Variants in RAB38 observed in about 807,000 individuals in gnomAD.
RAB38 encodes the protein RAB38, member RAS oncogene family, also known as ras-related protein Rab-38.
In RAB38, 15 loss-of-function variants were observed where a neutral mutation model predicts 18.4. The ratio of observed to expected loss-of-function variants is 0.82; its 90% CI spans 0.55 to 1.26. The LOEUF is 1.26. Ranked by LOEUF, RAB38 falls within the 50% of genes most tolerant of loss-of-function variation. RAB38 has a pLI of 0.00. For synonymous variants in RAB38, 101 were observed against 104.4 expected, an observed-to-expected ratio of 0.97 and a Z score of 0.20; for missense variants, 294 against 267.4, an observed-to-expected ratio of 1.10 and a Z score of -0.69.
chr11:88,118,871 T>C (rs948790004), intron 2 of RAB38, among the ~76,000 whole-genome samples: 1 of 152,200 alleles, frequency 6.6e-6, no homozygotes, highest in African/African-American at 2.4e-5. Flanking sequence ...GTTTATTAAA[T>C]AATACTCACA....
intron 2 of RAB38, among the ~76,000 whole-genome samples, chr11:88,136,166 C>A (rs16913143): frequency 0.14 from 20,726 of 152,162 alleles, 1,519 homozygotes; most frequent in Middle Eastern, 0.22. Flanking sequence ...TGAGCACTCC[C>A]GTAGCATGTT....
At chr11:87,841,111 A>C in the RAB38 span, among the ~76,000 whole-genome samples, 1 of 152,190 alleles carries the variant, frequency 6.6e-6, no homozygotes, top group East Asian at 1.9e-4. Context: ...GTTAATATTA[A>C]GTATTTAGAA....
chr11:88,077,004 A>AAAAGG, the RAB38 span, among the ~76,000 whole-genome samples: 1,234 of 115,338 alleles, frequency 0.011, 25 homozygotes, highest in Non-Finnish European at 0.018. Context: ...AAAAGAAAAG[A>AAAAGG]AAAGAAAAGA....
At chr11:87,899,964 T>A in the RAB38 span, among the ~76,000 whole-genome samples, 1 of 151,562 alleles carries the variant, frequency 6.6e-6, no homozygotes, top group Non-Finnish European at 1.5e-5. Context: ...CTTCCGTTTT[T>A]TTTTTCCCCA....
the RAB38 span, among the ~76,000 whole-genome samples, chr11:88,009,216 G>T: frequency 9.9e-5 from 15 of 151,994 alleles, no homozygotes; most frequent in African/African-American, 3.4e-4. Context: ...GATTCTAAGG[G>T]AAAATAATTT....
At chr11:87,854,911 C>T in the RAB38 span, among the ~76,000 whole-genome samples, 1 of 152,130 alleles carries the variant, frequency 6.6e-6, no homozygotes, top group East Asian at 1.9e-4. Flanking sequence ...TCTCCTGCCT[C>T]AGCCTCCCGA....
chr11:88,014,205 T>A, the RAB38 span, among the ~76,000 whole-genome samples: 1 of 152,092 alleles, frequency 6.6e-6, no homozygotes, highest in Admixed American at 6.6e-5. Flanking sequence ...ATACTCCATA[T>A]GGTAGGTAGT....
At chr11:88,011,673 T>C in the RAB38 span, among the ~76,000 whole-genome samples, 1 of 152,196 alleles carries the variant, frequency 6.6e-6, no homozygotes, top group African/African-American at 2.4e-5. Context: ...CCTGCACATA[T>C]TAGATATTCA....
chr11:87,958,237 C>A, the RAB38 span, among the ~76,000 whole-genome samples: 2 of 152,148 alleles, frequency 1.3e-5, no homozygotes, highest in African/African-American at 2.4e-5. Context: ...AATGTAAATG[C>A]TGTGAGCACA....
the RAB38 span, among the ~76,000 whole-genome samples, chr11:88,008,232 A>C: frequency 1.3e-5 from 2 of 152,192 alleles, no homozygotes; most frequent in African/African-American, 4.8e-5. Context: ...TCTATTTTTT[A>C]AAATATTATA....
the RAB38 span, among the ~76,000 whole-genome samples, chr11:88,025,014 G>T: frequency 6.6e-6 from 1 of 151,966 alleles, no homozygotes; most frequent in African/African-American, 2.4e-5. Context: ...AACCAGAAGA[G>T]TATAAATGGA....
chr11:87,946,849 A>G, the RAB38 span, among the ~76,000 whole-genome samples: 3 of 152,212 alleles, frequency 2.0e-5, no homozygotes, highest in Admixed American at 2.0e-4. Flanking sequence ...CGCTATAAAC[A>G]TATGTGTGCA....
the RAB38 span, among the ~76,000 whole-genome samples, chr11:87,848,911 C>A: frequency 1.3e-5 from 2 of 152,042 alleles, no homozygotes; most frequent in South Asian, 2.1e-4. Context: ...TTAATGCCAA[C>A]CCCAATGTGG....
At chr11:88,008,712 C>G in the RAB38 span, among the ~76,000 whole-genome samples, 3 of 152,318 alleles carry the variant, frequency 2.0e-5, no homozygotes, top group Admixed American at 6.5e-5. Flanking sequence ...CTCGCTCTGT[C>G]GCCCAGGCTG....
chr11:88,070,261 C>T, the RAB38 span, among the ~76,000 whole-genome samples: 49,917 of 151,766 alleles, frequency 0.33, 8,620 homozygotes, highest in South Asian at 0.4. Flanking sequence ...CCAGACGGGC[C>T]GCCTTAAGAG....
the RAB38 span, among the ~76,000 whole-genome samples, chr11:88,106,900 T>C: frequency 6.6e-6 from 1 of 152,146 alleles, no homozygotes; most frequent in African/African-American, 2.4e-5. Flanking sequence ...CAAGTTTAAA[T>C]TCATACAAAA....
intron 2 of RAB38, among the ~76,000 whole-genome samples, chr11:88,136,338 TGTC>T (rs1229367462): frequency 6.6e-6 from 1 of 152,180 alleles, no homozygotes; most frequent in Non-Finnish European, 1.5e-5. Context: ...AGGGTAGGAC[TGTC>T]ATCCACAAAT....
chr11:88,032,353 T>C, the RAB38 span, among the ~76,000 whole-genome samples: 3 of 152,148 alleles, frequency 2.0e-5, no homozygotes, highest in African/African-American at 7.2e-5. Flanking sequence ...CCAAAAGCAA[T>C]GGCAACCAAA....
chr11:87,815,011 G>T, the RAB38 span: 1 of 152,746 alleles, frequency 6.5e-6, no homozygotes, highest in East Asian at 1.9e-4. Context: ...GGGATTACAG[G>T]CGTGAGCCAC....
Sources: gnomAD v4.1 joint callset for allele counts (sites outside exome capture counted in the v4.1 genomes callset) on GRCh38, gnomAD v4.1.1 for gene constraint, MANE v1.5 for transcripts, NCBI Gene and HGNC (gene_info 2026-07-23, HGNC 2026-07-21) for gene names.